ITPR3: variants seen among roughly 807,000 people sequenced by gnomAD.
The protein encoded by ITPR3 is inositol 1,4,5-trisphosphate-gated calcium channel ITPR3.
ITPR3 carries 173 observed loss-of-function variants against 293.2 expected under a neutral mutation model. The ratio of observed to expected loss-of-function variants is 0.59; its 90% CI spans 0.52 to 0.67. ITPR3 has a LOEUF of 0.67. Among genes scored for constraint, ITPR3 ranks in the 30% least tolerant of loss-of-function variants. ITPR3 has a pLI of 0.00. For missense variants in ITPR3, 2,796 were observed against 3,592.1 expected, an observed-to-expected ratio of 0.78 and a Z score of 5.66; for synonymous variants, 1,295 against 1,444.4, an observed-to-expected ratio of 0.90 and a Z score of 2.35.
At chr6:33,648,077 T>C (rs1167540729) in intron 2 of ITPR3, among the ~76,000 whole-genome samples, 3 of 151,338 alleles carry the variant, frequency 2.0e-5, no homozygotes, top group Admixed American at 6.6e-5. Context: ...TTTTTTTTTT[T>C]TTTTTTGAGA....
At chr6:33,694,704 TCA>T in intron 56 of ITPR3, 4 of 547,852 alleles carry the variant, frequency 7.3e-6, no homozygotes, top group Admixed American at 3.5e-5. Context: ...CTAACGGAAG[TCA>T]GCCTGTCTCG....
chr6:33,693,455 C>A, intron 55 of ITPR3, 90 bp from the exon 56 acceptor site: 1 of 1,423,406 alleles, frequency 7.0e-7, no homozygotes, highest in Non-Finnish European at 9.8e-7. Flanking sequence ...CAAATGCCTC[C>A]AACCCCCGGA....
chr6:33,623,500 A>AT (rs1036591164), intron 1 of ITPR3, among the ~76,000 whole-genome samples: 3 of 150,874 alleles, frequency 2.0e-5, no homozygotes, highest in South Asian at 2.1e-4. Flanking sequence ...TAATTTTTGT[A>AT]TTTTTTTTGT....
At chr6:33,639,679 T>G (rs992575535) in intron 1 of ITPR3, among the ~76,000 whole-genome samples, 1 of 151,472 alleles carries the variant, frequency 6.6e-6, no homozygotes, top group African/African-American at 2.4e-5. Context: ...GCAGGAAGGG[T>G]GGCTGGATGG....
chr6:33,688,295 C>T lies in ITPR3; in HGVS notation c.6432C>T (p.Cys2144=). Residue 2144 remains cysteine (C), a synonymous_variant, in exon 48 of 58, where the codon TGC becomes TGT. Transcript: ENST00000605930. ...TCGTGTTCCCAGTGCCCGGCATCTG[C>T]CAGTTCCTGACGGAGGAAACCAAGC... ...EQIVFPVPGI[C]QFLTEETKHR... is the part of the protein sequence containing the mutation. The T allele has an allele frequency of 6.2e-7, 1 of 1,614,184 alleles. No homozygotes were observed. Among genetic ancestry groups the T allele is most frequent in the Non-Finnish European group, 8.5e-7 (1 of 1,180,020 alleles).
chr6:33,651,276 C>CAAA (rs11284603), intron 2 of ITPR3, among the ~76,000 whole-genome samples: 2 of 103,172 alleles, frequency 1.9e-5, no homozygotes, highest in African/African-American at 4.0e-5. Context: ...GACTCCGTCT[C>CAAA]AAAAAAAAAA....
intron 51 of ITPR3, 65 bp from the exon 52 acceptor site, chr6:33,690,851 AG>A (rs879635116): frequency 1.2e-5 from 18 of 1,450,342 alleles, no homozygotes; most frequent in Non-Finnish European, 1.7e-5. Flanking sequence ...TTCCAGTGGC[AG>A]CCCCAGTGAG....
intron 1 of ITPR3, among the ~76,000 whole-genome samples, chr6:33,626,487 C>G (rs1763552975): frequency 1.3e-5 from 2 of 152,216 alleles, no homozygotes; most frequent in African/African-American, 4.8e-5. Flanking sequence ...TGGGGGCCCT[C>G]CCAGGCTGAC....
At chr6:33,694,689 GCTGC>G in intron 56 of ITPR3, 2 of 544,792 alleles carry the variant, frequency 3.7e-6, no homozygotes, top group South Asian at 2.2e-5. Context: ...AGCTGCCGAC[GCTGC>G]CTAACGGAAG....
chr6:33,647,245 C>T (rs9469538), intron 2 of ITPR3, among the ~76,000 whole-genome samples: 2,468 of 152,102 alleles, frequency 0.016, 73 homozygotes, highest in African/African-American at 0.053. Context: ...GGAAAATAAG[C>T]GAACTCTTGG....
chr6:33,625,659 A>T (rs1425480018), intron 1 of ITPR3, among the ~76,000 whole-genome samples: 1 of 12,774 alleles, frequency 7.8e-5, no homozygotes, highest in Non-Finnish European at 4.5e-4. Context: ...CCCATGGCTC[A>T]GCCTTGGAGC....
intron 2 of ITPR3, among the ~76,000 whole-genome samples, chr6:33,643,756 G>T (rs1382661305): frequency 6.6e-6 from 1 of 152,114 alleles, no homozygotes. Context: ...AGGTGCCAGG[G>T]AGGAGAGTGA....
At chr6:33,623,328 T>TTTG (rs1363352797) in intron 1 of ITPR3, among the ~76,000 whole-genome samples, 1 of 144,630 alleles carries the variant, frequency 6.9e-6, no homozygotes, top group Non-Finnish European at 1.5e-5. Flanking sequence ...TGAGTTTTGT[T>TTTG]TTTTTTTTTT....
intron 29 of ITPR3, 47 bp downstream of exon 29, chr6:33,678,590 G>C: frequency 6.4e-7 from 1 of 1,566,240 alleles, no homozygotes; most frequent in South Asian, 1.2e-5. Flanking sequence ...GGGGATGGGG[G>C]GTGGGGGCGG....
intron 2 of ITPR3, among the ~76,000 whole-genome samples, chr6:33,648,214 C>T (rs1582115614): frequency 1.3e-5 from 2 of 151,792 alleles, no homozygotes; most frequent in East Asian, 3.9e-4. Flanking sequence ...TACAGGTGTG[C>T]GTCACCACGC....
At position 33,673,655 on chromosome 6, in the gene ITPR3, T is replaced by C; in HGVS notation, c.2993T>C (p.Phe998Ser). ...CTGCTGTCTGTCTTCAAGAAGGAGT[T>C]TGTGGAGGTGTTTCCCATGCAGGAC... ...SYLLSVFKKE[F>S]VEVFPMQDSG... Residue 998 changes from phenylalanine to serine, a missense_variant, in exon 23 of 58, where the codon TTT becomes TCT. This residue lies in a region of ITPR3 where 955 missense variants were observed against 1,180.8 expected (regional missense o/e 0.81). Transcript: ENST00000605930. 6.2e-7 allele frequency: 1 copy of C among 1,614,144 alleles called. No individual in the cohort carries two copies. The highest frequency in any genetic ancestry group is 1.1e-5 in the South Asian group (1 of 91,080).
rs1763706516 is a variant in ITPR3, at chr6:33,632,493, G to A, written c.90-7991G>A. Among the ~76,000 whole-genome samples, 3 of 152,188 alleles carry A rather than the reference G, an allele frequency of 2.0e-5. No individual in the cohort carries two copies. Among genetic ancestry groups the A allele is most frequent in the Admixed American group, 2.0e-4 (3 of 15,278 alleles). ...CTCAAAGTCCACGCAGGGTGGAATG[G>A]GGCAGAATGGGATGCAGCTGTCTTC... On this transcript the variant is annotated intron_variant, in intron 1 of 57. Coordinates refer to ENST00000605930, the MANE Select transcript of ITPR3 (RefSeq NM_002224.4). The surrounding 1 kb of genome is among the most constrained non-coding windows in gnomAD (Gnocchi z 4.1).
intron 2 of ITPR3, among the ~76,000 whole-genome samples, chr6:33,649,809 C>T (rs1764147445): frequency 6.6e-6 from 1 of 152,030 alleles, no homozygotes; most frequent in Non-Finnish European, 1.5e-5. Flanking sequence ...AATGCATATT[C>T]CTAGACCTCA....
intron 1 of ITPR3, among the ~76,000 whole-genome samples, chr6:33,630,787 C>T (rs1052924458): frequency 1.3e-5 from 2 of 152,226 alleles, no homozygotes; most frequent in Non-Finnish European, 2.9e-5. Context: ...ATTGTCCTTT[C>T]TAGACTTTAA....
Sources: allele counts gnomAD v4.1 joint callset (sites outside exome capture counted in the v4.1 genomes callset), GRCh38; gene constraint gnomAD v4.1.1; regional missense constraint gnomAD v4.1.1; non-coding constraint Gnocchi (gnomAD v3.1); transcripts MANE v1.5; gene names NCBI Gene and HGNC (gene_info 2026-07-23, HGNC 2026-07-21).